PAIP2B: variants seen among roughly 807,000 people sequenced by gnomAD.
PAIP2B encodes polyadenylate-binding protein-interacting protein 2B.
A neutral mutation model predicts 17.0 loss-of-function variants in PAIP2B; 13 were observed. That is an observed-to-expected ratio of 0.76 (90% CI 0.50 to 1.22). PAIP2B has a LOEUF of 1.22. Ranked by LOEUF, PAIP2B falls within the 50% of genes most tolerant of loss-of-function variation. PAIP2B has a pLI of 0.00. For synonymous variants in PAIP2B, 43 were observed against 48.7 expected (o/e 0.88, Z 0.48); for missense variants, 117 against 144.5 (o/e 0.81, Z 0.98).
At chr2:71,213,024 T>C (rs1456917717) in intron 1 of PAIP2B, among the ~76,000 whole-genome samples, 2 of 152,136 alleles carry the variant, frequency 1.3e-5, no homozygotes, top group African/African-American at 4.8e-5. Context: ...AGTGCCAGAT[T>C]ACAGATGTGA....
At chr2:71,224,899 G>C (rs768673749) in intron 1 of PAIP2B, among the ~76,000 whole-genome samples, 2 of 152,210 alleles carry the variant, frequency 1.3e-5, no homozygotes, top group Non-Finnish European at 2.9e-5. Flanking sequence ...GTTTTCAGCT[G>C]CAGTCACAGC....
At chr2:71,215,327 C>G (rs760003262) in intron 1 of PAIP2B, among the ~76,000 whole-genome samples, 2 of 152,122 alleles carry the variant, frequency 1.3e-5, no homozygotes, top group African/African-American at 2.4e-5. Flanking sequence ...GCAGACTCCC[C>G]CCAGCCTCCC....
chr2:71,203,831 G>C (rs1388631901), intron 1 of PAIP2B, among the ~76,000 whole-genome samples: 2 of 150,808 alleles, frequency 1.3e-5, no homozygotes, highest in African/African-American at 2.4e-5. Flanking sequence ...AATTTTTCTA[G>C]CTCATATATA....
intron 1 of PAIP2B, among the ~76,000 whole-genome samples, chr2:71,220,998 G>A (rs2103828188): frequency 6.6e-6 from 1 of 152,360 alleles, no homozygotes; most frequent in Non-Finnish European, 1.5e-5. Context: ...ACACATGTAT[G>A]CTTCACAGGC....
intron 1 of PAIP2B, among the ~76,000 whole-genome samples, chr2:71,210,266 A>AG (rs1675261814): frequency 6.6e-6 from 1 of 152,200 alleles, no homozygotes; most frequent in African/African-American, 2.4e-5. Flanking sequence ...AAAAAGAGAA[A>AG]GGGGGAGTAG....
At chr2:71,209,566 C>G (rs1473479907) in intron 1 of PAIP2B, among the ~76,000 whole-genome samples, 1 of 152,122 alleles carries the variant, frequency 6.6e-6, no homozygotes, top group Non-Finnish European at 1.5e-5. Flanking sequence ...CATTACAAAG[C>G]CACATGAAAC....
intron 2 of PAIP2B, among the ~76,000 whole-genome samples, chr2:71,199,567 C>A (rs12478523): frequency 6.8e-6 from 1 of 147,850 alleles, no homozygotes; most frequent in African/African-American, 2.5e-5. Flanking sequence ...AACCCAACTG[C>A]GTCCTTTTTT....
chr2:71,223,411 C>A, intron 1 of PAIP2B, among the ~76,000 whole-genome samples: 1 of 149,150 alleles, frequency 6.7e-6, no homozygotes. Context: ...AACTCCATCT[C>A]AAAAACAAAC....
rs1385340030 is a variant in PAIP2B, at chr2:71,188,455, AG to A, written c.*23del. 1.9e-6 allele frequency: 3 copies of A among 1,596,268 alleles called. No individual in the cohort carries two copies. Among genetic ancestry groups the A allele is most frequent in the Non-Finnish European group, 2.6e-6 (3 of 1,168,226 alleles). On this transcript the variant is annotated 3_prime_UTR_variant, in exon 4 of 4. Coordinates refer to ENST00000244221, the MANE Select transcript of PAIP2B (RefSeq NM_020459.1). ...CTATCCCCAGATGTGGGGACAGACA[AG>A]TCTTCCTCAAAGCTTTCTCGGCTCA...
chr2:71,191,264 A>G (rs1473624304), intron 2 of PAIP2B, among the ~76,000 whole-genome samples: 5 of 152,238 alleles, frequency 3.3e-5, no homozygotes, highest in Admixed American at 3.3e-4. Context: ...AGTGAGACTT[A>G]AGAATAGTAT....
At chr2:71,226,323 G>A (rs755057766) in intron 1 of PAIP2B, among the ~76,000 whole-genome samples, 7 of 152,192 alleles carry the variant, frequency 4.6e-5, no homozygotes, top group Non-Finnish European at 5.9e-5. Context: ...GAATTTAGGG[G>A]TTGGTAGGGG....
chr2:71,219,853 C>A (rs1675532629), intron 1 of PAIP2B, among the ~76,000 whole-genome samples: 1 of 152,188 alleles, frequency 6.6e-6, no homozygotes, highest in Non-Finnish European at 1.5e-5. Context: ...CAGAAGTTAT[C>A]TCTGCAAACA....
rs532678844 is a variant in PAIP2B at position 71,186,010 on chromosome 2, G to A, written c.*2469C>T. ...AACTTCTAGTTGCCAATTTAAAAAA[G>A]TTTAAACAAAGTAGTGGCTTAAATT... On this transcript the variant is annotated 3_prime_UTR_variant, in exon 4 of 4. Transcript: ENST00000244221. The A allele has an allele frequency of 7.2e-5, 11 of 152,238 alleles. No individual in the cohort carries two copies. The highest frequency in any genetic ancestry group is 2.2e-4 in the African/African-American group (9 of 41,536). The allele number at this position is 152,238 out of a possible 1,614,324, so 9.4% of individuals were successfully genotyped here.
intron 1 of PAIP2B, among the ~76,000 whole-genome samples, chr2:71,203,682 T>C (rs1675047502): frequency 6.6e-6 from 1 of 151,728 alleles, no homozygotes; most frequent in Admixed American, 6.6e-5. Context: ...ATATATCTTT[T>C]CCTTATCTTT....
At chr2:71,204,862 C>G (rs1409889590) in intron 1 of PAIP2B, among the ~76,000 whole-genome samples, 1 of 152,114 alleles carries the variant, frequency 6.6e-6, no homozygotes, top group Non-Finnish European at 1.5e-5. Context: ...GCAAGATATA[C>G]TGTACTATTA....
intron 2 of PAIP2B, among the ~76,000 whole-genome samples, chr2:71,199,714 CCA>C (rs1488548743): frequency 6.6e-6 from 1 of 152,048 alleles, no homozygotes; most frequent in Non-Finnish European, 1.5e-5. Context: ...CTAAAGGCGC[CCA>C]CCACCTATCT....
intron 2 of PAIP2B, among the ~76,000 whole-genome samples, chr2:71,193,005 C>T (rs1016552520): frequency 9.2e-5 from 14 of 152,172 alleles, no homozygotes; most frequent in African/African-American, 3.4e-4. Flanking sequence ...TTTGAGGAAT[C>T]GCCATACTGC....
intron 2 of PAIP2B, among the ~76,000 whole-genome samples, chr2:71,195,247 G>A (rs1674787228): frequency 6.6e-6 from 1 of 152,178 alleles, no homozygotes; most frequent in Admixed American, 6.5e-5. Flanking sequence ...GAATGAGTTG[G>A]GGAGAAATCC....
At position 71,199,408 on chromosome 2, in the gene PAIP2B, T is replaced by TAA. The variant is rs61527424; in HGVS notation, c.138+3042_138+3043dup. On this transcript the variant is annotated intron_variant, in intron 2 of 3. Coordinates refer to ENST00000244221, the MANE Select transcript of PAIP2B (RefSeq NM_020459.1). ...ACGGGAAAATGACAGAAGCTTAGAGTAAAAAAAAAAAAAAAATCTAGTTAG... is the reference window on the plus strand; with the variant it reads ...ACGGGAAAATGACAGAAGCTTAGAGTAAAAAAAAAAAAAAAAAATCTAGTTAG... Among the ~76,000 whole-genome samples the TAA allele has an allele frequency of 2.3e-4, 32 of 137,532 alleles. No homozygotes were observed. The East Asian group carries it at 3.1e-3, about 13-fold the overall frequency. The allele number at this position is 137,532 out of a possible 152,430, so 90.2% of individuals were successfully genotyped here. A position where few individuals can be genotyped will look rare whatever the true frequency, so the allele number is the denominator to read the frequency against.
Sources: allele counts gnomAD v4.1 joint callset (sites outside exome capture counted in the v4.1 genomes callset), GRCh38; gene constraint gnomAD v4.1.1; transcripts MANE v1.5; gene names NCBI Gene and HGNC (gene_info 2026-07-23, HGNC 2026-07-21).